SFMBT2: variants seen among roughly 807,000 people sequenced by gnomAD.
SFMBT2 encodes the protein scm-like with four MBT domains protein 2.
A neutral mutation model predicts 110.1 loss-of-function variants in SFMBT2; 38 were observed. The observed-to-expected ratio is 0.35, with a 90% CI of 0.27 to 0.45. SFMBT2 has a LOEUF of 0.45. Among genes scored for constraint, SFMBT2 ranks in the 20% least tolerant of loss-of-function variants. The pLI, the probability that SFMBT2 is intolerant of heterozygous loss-of-function variation, is 1.00. For missense variants in SFMBT2, 1,011 were observed against 1,094.9 expected (o/e 0.92, Z 1.08); for synonymous variants, 425 against 425.4 (o/e 1.00, Z 0.01).
intron 9 of SFMBT2, among the ~76,000 whole-genome samples, chr10:7,228,721 TTCTTTCTTTCTTTCCTTTCTCTCTC>T (rs1564395212): frequency 1.3e-4 from 16 of 124,382 alleles, no homozygotes; most frequent in African/African-American, 3.9e-4. Flanking sequence ...CTTTCTTTCT[TTCTTTCTTTCTTTCCTTTCTCTCTC>T]TCTCTCTCTC....
chr10:7,209,802 G>A (rs1252463750), intron 11 of SFMBT2, among the ~76,000 whole-genome samples: 1 of 152,204 alleles, frequency 6.6e-6, no homozygotes, highest in Non-Finnish European at 1.5e-5. Context: ...TCTGACCCAA[G>A]ATAAACCTTT....
intron 10 of SFMBT2, among the ~76,000 whole-genome samples, chr10:7,222,992 G>A (rs1839794933): frequency 6.6e-6 from 1 of 152,138 alleles, no homozygotes; most frequent in African/African-American, 2.4e-5. Context: ...CACACTGGAT[G>A]AGGGTCCATC....
At chr10:7,370,157 A>G in intron 3 of SFMBT2, 124 bp downstream of exon 3, 2 of 776,388 alleles carry the variant, frequency 2.6e-6, no homozygotes, top group Non-Finnish European at 4.3e-6. Context: ...GTGAGCCACC[A>G]TGCCTGGCCA....
intron 8 of SFMBT2, among the ~76,000 whole-genome samples, chr10:7,245,465 C>T (rs1470761571): frequency 2.0e-5 from 3 of 152,162 alleles, no homozygotes; most frequent in Admixed American, 6.5e-5. Flanking sequence ...GGGAACACTC[C>T]AAAGGAAAAG....
At chr10:7,400,541 T>C (rs1846049486) in intron 1 of SFMBT2, among the ~76,000 whole-genome samples, 1 of 152,162 alleles carries the variant, frequency 6.6e-6, no homozygotes, top group Non-Finnish European at 1.5e-5. Context: ...GTTGATGGCA[T>C]CCAGCGGTTG....
chr10:7,318,720 C>T (rs757238551), intron 4 of SFMBT2, among the ~76,000 whole-genome samples: 1 of 152,220 alleles, frequency 6.6e-6, no homozygotes, highest in Non-Finnish European at 1.5e-5. Context: ...TTCGCGTCTC[C>T]GCGTCTTCTA....
chr10:7,383,558 A>T (rs1241994908), intron 1 of SFMBT2, among the ~76,000 whole-genome samples: 1 of 152,250 alleles, frequency 6.6e-6, no homozygotes, highest in Non-Finnish European at 1.5e-5. Context: ...GCTACTTCTC[A>T]ACCACAGTAC....
At chr10:7,352,338 T>C (rs2132014861) in intron 4 of SFMBT2, among the ~76,000 whole-genome samples, 1 of 152,292 alleles carries the variant, frequency 6.6e-6, no homozygotes, top group East Asian at 1.9e-4. Context: ...ATAAAGATAT[T>C]TTGAGACAGG....
chr10:7,322,656 G>T (rs1010694282), intron 4 of SFMBT2, among the ~76,000 whole-genome samples: 1 of 151,874 alleles, frequency 6.6e-6, no homozygotes, highest in African/African-American at 2.4e-5. Context: ...CAAAAGTAAG[G>T]TCTAATAAAC....
At chr10:7,407,265 A>C (rs1040894868) in intron 1 of SFMBT2, among the ~76,000 whole-genome samples, 4 of 53,634 alleles carry the variant, frequency 7.5e-5, no homozygotes, top group African/African-American at 3.0e-4. Flanking sequence ...CAGCCTCCCC[A>C]GGAAACGAGG....
At position 7,338,343 on chromosome 10, in the gene SFMBT2, C is replaced by G. The variant is rs373111827; in HGVS notation, c.436+29306G>C. Reference sequence around the variant, plus strand: ...TTTTTCCACTGAATCCCCCAAAAGTCAAATATCTGCATATAAATTTTGACT... The same window carrying G: ...TTTTTCCACTGAATCCCCCAAAAGTGAAATATCTGCATATAAATTTTGACT... On this transcript the variant is annotated intron_variant, in intron 4 of 20. Coordinates refer to ENST00000397167, the MANE Select transcript of SFMBT2 (RefSeq NM_001387889.1). Among the ~76,000 whole-genome samples, 221 of 152,266 alleles carry G rather than the reference C, an allele frequency of 1.5e-3. 10 individuals are homozygous for G. The South Asian group carries it at 0.043, about 30-fold the overall frequency.
At chr10:7,297,622 T>C (rs1297962837) in intron 4 of SFMBT2, among the ~76,000 whole-genome samples, 2 of 152,172 alleles carry the variant, frequency 1.3e-5, no homozygotes, top group Admixed American at 1.3e-4. Flanking sequence ...GATGAGCTAC[T>C]GCAGAGAAAC....
chr10:7,350,223 G>A (rs903954534), intron 4 of SFMBT2, among the ~76,000 whole-genome samples: 1 of 151,732 alleles, frequency 6.6e-6, no homozygotes, highest in African/African-American at 2.4e-5. Flanking sequence ...CCATCCCGCT[G>A]ATGGGGTCTT....
chr10:7,206,634 C>G, intron 11 of SFMBT2: 1 of 939,872 alleles, frequency 1.1e-6, no homozygotes. Context: ...ATGACTGTCA[C>G]ATCCTATTTC....
At chr10:7,322,030 C>T (rs1461300554) in intron 4 of SFMBT2, among the ~76,000 whole-genome samples, 2 of 152,212 alleles carry the variant, frequency 1.3e-5, no homozygotes, top group African/African-American at 2.4e-5. Flanking sequence ...AACTTTTTCA[C>T]ATCACGGTAC....
At chr10:7,308,399 A>G (rs1291211162) in intron 4 of SFMBT2, among the ~76,000 whole-genome samples, 2 of 152,152 alleles carry the variant, frequency 1.3e-5, no homozygotes, top group Admixed American at 1.3e-4. Context: ...AGCACCTATT[A>G]AAAGGCATGT....
rs1043303785 is a variant in SFMBT2 at position 7,198,645 on chromosome 10, C to G, written c.1559-958G>C. On this transcript the variant is annotated intron_variant, in intron 14 of 20. Transcript: ENST00000397167. Reference sequence around the variant, plus strand: ...TCACTGCAGCTTAAGTGTGCATTACCTGTATTCTTCTTTCAACTCAGAAAG... The same window carrying G: ...TCACTGCAGCTTAAGTGTGCATTACGTGTATTCTTCTTTCAACTCAGAAAG... Among the ~76,000 whole-genome samples, 3 of 152,230 alleles carry G rather than the reference C, an allele frequency of 2.0e-5. No homozygotes were observed. The South Asian group carries it at 6.2e-4, about 31-fold the overall frequency.
intron 7 of SFMBT2, among the ~76,000 whole-genome samples, chr10:7,265,088 T>C (rs1045695091): frequency 3.3e-5 from 5 of 152,122 alleles, no homozygotes; most frequent in African/African-American, 9.7e-5. Flanking sequence ...GTTTTTTTAA[T>C]GCTGAGATTT....
chr10:7,213,467 GGGT>G (rs750424564), intron 11 of SFMBT2, among the ~76,000 whole-genome samples: 2 of 152,114 alleles, frequency 1.3e-5, no homozygotes, highest in Non-Finnish European at 2.9e-5. Flanking sequence ...TGGGTTGTGG[GGGT>G]GGTGGTGGGA....
Sources: gnomAD v4.1 joint callset for allele counts (sites outside exome capture counted in the v4.1 genomes callset) on GRCh38, gnomAD v4.1.1 for gene constraint, MANE v1.5 for transcripts, NCBI Gene and HGNC (gene_info 2026-07-23, HGNC 2026-07-21) for gene names.